RNF150: variants seen among roughly 807,000 people sequenced by gnomAD.
RNF150 encodes the protein ring finger protein 150.
RNF150 carries 24 observed loss-of-function variants against 39.3 expected under a neutral mutation model. The ratio of observed to expected loss-of-function variants is 0.61; its 90% CI spans 0.44 to 0.86. The LOEUF (loss-of-function observed/expected upper bound fraction) is 0.86. RNF150 is among the 40% of genes least tolerant of loss of function. The pLI is 0.00. For synonymous variants in RNF150, 255 were observed against 227.3 expected (o/e 1.12, Z -1.10); for missense variants, 502 against 587.8 (o/e 0.85, Z 1.51).
intron 1 of RNF150, among the ~76,000 whole-genome samples, chr4:141,018,261 G>T (rs1735355642): frequency 6.6e-6 from 1 of 152,100 alleles, no homozygotes; most frequent in Non-Finnish European, 1.5e-5. Flanking sequence ...ACTGCCACCA[G>T]TGTGGTTCAG....
At chr4:140,975,528 T>C (rs984617765) in intron 1 of RNF150, among the ~76,000 whole-genome samples, 4 of 152,202 alleles carry the variant, frequency 2.6e-5, no homozygotes, top group African/African-American at 9.6e-5. Flanking sequence ...GAATCTTCCC[T>C]TAATATTTGT....
chr4:140,909,286 G>A (rs1730505118), intron 6 of RNF150, among the ~76,000 whole-genome samples: 1 of 152,106 alleles, frequency 6.6e-6, no homozygotes, highest in Non-Finnish European at 1.5e-5. Context: ...CTCCAATATG[G>A]TGCCACTAGC....
intron 1 of RNF150, among the ~76,000 whole-genome samples, chr4:141,189,686 G>T (rs1191500388): frequency 6.6e-6 from 1 of 152,148 alleles, no homozygotes; most frequent in East Asian, 1.9e-4. Flanking sequence ...CTCAGTGGCT[G>T]CGTTTACACT....
At chr4:141,191,492 T>G (rs947791654) in intron 1 of RNF150, among the ~76,000 whole-genome samples, 6 of 152,190 alleles carry the variant, frequency 3.9e-5, no homozygotes, top group African/African-American at 1.4e-4. Flanking sequence ...TAACACTTAG[T>G]ATCTATTTGT....
At chr4:141,119,796 T>G (rs1419585084) in intron 1 of RNF150, among the ~76,000 whole-genome samples, 3 of 152,156 alleles carry the variant, frequency 2.0e-5, no homozygotes, top group African/African-American at 7.2e-5. Context: ...GGTAAGGGCC[T>G]AACAGGAGGT....
At chr4:141,042,543 C>T (rs1736411416) in intron 1 of RNF150, among the ~76,000 whole-genome samples, 1 of 152,058 alleles carries the variant, frequency 6.6e-6, no homozygotes, top group African/African-American at 2.4e-5. Context: ...AGTTCCATTA[C>T]TGTAATCCAT....
At chr4:140,915,999 G>T (rs1281001525) in intron 5 of RNF150, among the ~76,000 whole-genome samples, 1 of 152,114 alleles carries the variant, frequency 6.6e-6, no homozygotes, top group Admixed American at 6.6e-5. Flanking sequence ...ACCTTAGAAG[G>T]AAAACTAACA....
chr4:141,151,028 C>T (rs902244295), intron 1 of RNF150, among the ~76,000 whole-genome samples: 14 of 152,084 alleles, frequency 9.2e-5, no homozygotes, highest in African/African-American at 2.9e-4. Flanking sequence ...GACTCCCAGG[C>T]TCAAGTGATT....
chr4:140,876,551 G>A (rs1170141454), intron 6 of RNF150, among the ~76,000 whole-genome samples: 1 of 152,174 alleles, frequency 6.6e-6, no homozygotes, highest in African/African-American at 2.4e-5. Context: ...GCAATAGGGT[G>A]GATACTAATA....
chr4:141,203,969 A>C (rs1728335447), intron 1 of RNF150, among the ~76,000 whole-genome samples: 1 of 152,186 alleles, frequency 6.6e-6, no homozygotes, highest in Admixed American at 6.5e-5. Context: ...AGGTGAGAGC[A>C]GAGAGAAAAG....
chr4:141,006,271 T>C (rs1489535002), intron 1 of RNF150, among the ~76,000 whole-genome samples: 15 of 150,382 alleles, frequency 1.0e-4, no homozygotes, highest in African/African-American at 2.4e-5. Context: ...CGTATATATA[T>C]ACATACATAT....
chr4:141,090,925 G>A (rs115768499), intron 1 of RNF150, among the ~76,000 whole-genome samples: 1 of 152,270 alleles, frequency 6.6e-6, no homozygotes, highest in Non-Finnish European at 1.5e-5. Context: ...ACTATAAGAA[G>A]CCATAGGAGG....
intron 1 of RNF150, among the ~76,000 whole-genome samples, chr4:141,072,267 C>T (rs1737736308): frequency 6.6e-6 from 1 of 152,214 alleles, no homozygotes; most frequent in Non-Finnish European, 1.5e-5. Context: ...TTTGTGACCA[C>T]TAACCAATCT....
chr4:140,901,911 C>T (rs2111252192), intron 6 of RNF150, among the ~76,000 whole-genome samples: 2 of 152,220 alleles, frequency 1.3e-5, no homozygotes, highest in South Asian at 4.1e-4. Flanking sequence ...CCTGGAACCA[C>T]AAGTGGCTTA....
chr4:141,024,763 C>T (rs2110799361), intron 1 of RNF150, among the ~76,000 whole-genome samples: 1 of 152,156 alleles, frequency 6.6e-6, no homozygotes, highest in African/African-American at 2.4e-5. Flanking sequence ...AGGTGCTGAC[C>T]AGAAGTACAT....
chr4:141,098,475 G>C (rs181851993), intron 1 of RNF150, among the ~76,000 whole-genome samples: 2 of 152,338 alleles, frequency 1.3e-5, no homozygotes, highest in East Asian at 3.9e-4. Flanking sequence ...CTCATACTGG[G>C]AGTCAAGAGT....
chr4:140,913,020 T>A (rs145630025), intron 5 of RNF150, among the ~76,000 whole-genome samples: 5,974 of 148,596 alleles, frequency 0.04, 120 homozygotes, highest in Middle Eastern at 0.094. Context: ...ACGCCTGTAA[T>A]CCCAGCACTT....
At chr4:140,949,493 A>T in intron 2 of RNF150, 121 bp from the exon 3 acceptor site, 1 of 805,374 alleles carries the variant, frequency 1.2e-6, no homozygotes. Flanking sequence ...TATGAATGCT[A>T]GCAATGACGA....
chr4:140,894,371 A>G (rs1160016759), intron 6 of RNF150, among the ~76,000 whole-genome samples: 4 of 152,178 alleles, frequency 2.6e-5, no homozygotes, highest in Non-Finnish European at 5.9e-5. Context: ...TTCTCTCCCT[A>G]GTTATTGTTA....
Sources: gnomAD v4.1 joint callset for allele counts (sites outside exome capture counted in the v4.1 genomes callset) on GRCh38, gnomAD v4.1.1 for gene constraint, MANE v1.5 for transcripts, NCBI Gene and HGNC (gene_info 2026-07-23, HGNC 2026-07-21) for gene names.